Variants in FAT3 observed in about 807,000 individuals in gnomAD.
The protein encoded by FAT3 is protocadherin Fat 3.
In FAT3, 95 loss-of-function variants were observed where a neutral mutation model predicts 310.2. That is an observed-to-expected ratio of 0.31 (90% confidence interval 0.26 to 0.36). FAT3 has a LOEUF of 0.36. FAT3 is among the 10% of genes least tolerant of loss of function. The pLI, the probability that FAT3 is intolerant of heterozygous loss-of-function variation, is 1.00. For synonymous variants in FAT3, 2,314 were observed against 2,192.9 expected (o/e 1.06, Z -1.54); for missense variants, 5,408 against 5,715.6 (o/e 0.95, Z 1.74).
chr11:92,474,102 G>T (rs1400240610), intron 2 of FAT3, among the ~76,000 whole-genome samples: 1 of 152,190 alleles, frequency 6.6e-6, no homozygotes, highest in Non-Finnish European at 1.5e-5. Context: ...AGAGGAAAGA[G>T]ATTCCCTTGC....
At chr11:92,828,795 G>A (rs1948165031) in intron 13 of FAT3, among the ~76,000 whole-genome samples, 1 of 152,174 alleles carries the variant, frequency 6.6e-6, no homozygotes, top group Non-Finnish European at 1.5e-5. Context: ...CAGGAAGCTT[G>A]GAGAATGCAG....
chr11:92,506,203 G>GGT (rs1953095376), intron 2 of FAT3, among the ~76,000 whole-genome samples: 5 of 152,212 alleles, frequency 3.3e-5, no homozygotes, highest in African/African-American at 9.6e-5. Flanking sequence ...AAACCTTTCT[G>GGT]TTGCAACCTC....
At chr11:92,765,316 A>G (rs1392647233) in intron 6 of FAT3, among the ~76,000 whole-genome samples, 2 of 152,212 alleles carry the variant, frequency 1.3e-5, no homozygotes, top group Non-Finnish European at 2.9e-5. Flanking sequence ...TGGATTTTCC[A>G]TAGTACGTTA....
At chr11:92,743,450 T>A (rs1945564683) in intron 4 of FAT3, among the ~76,000 whole-genome samples, 1 of 152,190 alleles carries the variant, frequency 6.6e-6, no homozygotes, top group Admixed American at 6.5e-5. Flanking sequence ...AATGAGAGCT[T>A]GACACCAAGG....
intron 4 of FAT3, among the ~76,000 whole-genome samples, chr11:92,735,699 G>A (rs563153639): frequency 1.8e-4 from 27 of 151,534 alleles, no homozygotes; most frequent in Admixed American, 1.6e-3. Context: ...ATAAACCTGC[G>A]TTTAAAACCT....
At chr11:92,698,438 C>T (rs756801876) in intron 4 of FAT3, among the ~76,000 whole-genome samples, 3 of 152,160 alleles carry the variant, frequency 2.0e-5, no homozygotes, top group Non-Finnish European at 4.4e-5. Flanking sequence ...TAGCTTGAAG[C>T]TATTTAATTG....
intron 3 of FAT3, among the ~76,000 whole-genome samples, chr11:92,530,808 C>T (rs1283065230): frequency 6.6e-6 from 1 of 151,734 alleles, no homozygotes; most frequent in Non-Finnish European, 1.5e-5. Flanking sequence ...TGTGTTTATG[C>T]ACAGTTCCAT....
At chr11:92,360,050 G>GCTACA (rs1308806864) in intron 2 of FAT3, among the ~76,000 whole-genome samples, 2 of 151,952 alleles carry the variant, frequency 1.3e-5, no homozygotes, top group East Asian at 3.9e-4. Context: ...CTGAGGAATC[G>GCTACA]CTACACTGAC....
intron 3 of FAT3, among the ~76,000 whole-genome samples, chr11:92,659,131 T>C (rs1308004833): frequency 6.6e-6 from 1 of 152,160 alleles, no homozygotes; most frequent in Non-Finnish European, 1.5e-5. Flanking sequence ...CATTTTTATG[T>C]AACCTTGCCA....
chr11:92,395,071 G>A (rs1349655796), intron 2 of FAT3, among the ~76,000 whole-genome samples: 4 of 152,194 alleles, frequency 2.6e-5, no homozygotes, highest in East Asian at 3.8e-4. Flanking sequence ...CCAGTTGAGA[G>A]TGAGTAGTAT....
chr11:92,387,469 C>T (rs1339325642), intron 2 of FAT3, among the ~76,000 whole-genome samples: 2 of 151,806 alleles, frequency 1.3e-5, no homozygotes, highest in African/African-American at 4.8e-5. Flanking sequence ...TTGTTGGAAA[C>T]CAGAAAGAAG....
At chr11:92,311,050 A>G (rs1442795844) in intron 1 of FAT3, among the ~76,000 whole-genome samples, 3 of 151,784 alleles carry the variant, frequency 2.0e-5, no homozygotes, top group Admixed American at 6.6e-5. Context: ...ACATATATAT[A>G]CACACACATA....
rs532587127 is a variant in FAT3 at position 92,886,445 on chromosome 11, T to C, written c.12938-555T>C. 2.0e-5 allele frequency among the ~76,000 whole-genome samples: 3 copies of C among 152,206 alleles called. No homozygotes were observed. The South Asian group carries it at 6.2e-4, about 32-fold the overall frequency. The stretch of plus-strand genomic sequence containing the variant: ...GGCATATCCACACCACTGCCAGCCC[T>C]CCTACCTGACACAGGGTGCAGAACA... On this transcript the variant is annotated intron_variant, in intron 24 of 27. Transcript: ENST00000525166.
intron 2 of FAT3, among the ~76,000 whole-genome samples, chr11:92,439,670 C>A (rs554554486): frequency 3.0e-4 from 46 of 152,234 alleles, no homozygotes; most frequent in African/African-American, 1.1e-3. Flanking sequence ...GATCTCAGCT[C>A]TTTGGGAGGT....
intron 3 of FAT3, among the ~76,000 whole-genome samples, chr11:92,632,129 T>G (rs573393169): frequency 6.6e-6 from 1 of 152,326 alleles, no homozygotes; most frequent in East Asian, 1.9e-4. Flanking sequence ...AGCCACTCCT[T>G]CTAAAAGATC....
intron 4 of FAT3, among the ~76,000 whole-genome samples, chr11:92,710,432 A>G (rs989103714): frequency 6.6e-6 from 1 of 152,212 alleles, no homozygotes; most frequent in African/African-American, 2.4e-5. Context: ...TCCAAGGCCT[A>G]AGAACCTCTT....
chr11:92,545,120 C>T (rs1197029102), intron 3 of FAT3, among the ~76,000 whole-genome samples: 1 of 152,142 alleles, frequency 6.6e-6, no homozygotes, highest in Non-Finnish European at 1.5e-5. Context: ...ACTCTTGCCC[C>T]AAGGCTGTTG....
rs924959503 is a variant in FAT3, at chr11:92,685,401, G to A, written c.3608-11983G>A. Among the ~76,000 whole-genome samples the A allele has an allele frequency of 3.3e-5, 5 of 151,916 alleles. No homozygotes were observed. In the South Asian group the frequency reaches 1.0e-3, roughly 32 times the overall value. On this transcript the variant is annotated intron_variant, in intron 3 of 27. Transcript: ENST00000525166. ...TTAAAAACCCATAGCAATAATCATC[G>A]CAGCACATAATTCGTTCTGAATTTG... is the stretch of plus-strand genomic sequence containing the variant.
intron 2 of FAT3, among the ~76,000 whole-genome samples, chr11:92,415,808 G>C (rs1488267252): frequency 7.8e-6 from 1 of 127,798 alleles, no homozygotes; most frequent in African/African-American, 3.0e-5. Flanking sequence ...GTGAATAATT[G>C]TATTAGAAAA....
Sources: allele counts gnomAD v4.1 joint callset (sites outside exome capture counted in the v4.1 genomes callset), GRCh38; gene constraint gnomAD v4.1.1; transcripts MANE v1.5; gene names NCBI Gene and HGNC (gene_info 2026-07-23, HGNC 2026-07-21).